CEP44: variants seen among roughly 807,000 people sequenced by gnomAD.
The protein encoded by CEP44 is centrosomal protein of 44 kDa.
A neutral mutation model predicts 46.7 loss-of-function variants in CEP44; 45 were observed. The observed-to-expected ratio is 0.96, with a 90% CI of 0.76 to 1.24. The LOEUF (loss-of-function observed/expected upper bound fraction) is 1.24. Among genes scored for constraint, CEP44 ranks in the 50% most tolerant of loss-of-function variants. The pLI, the probability that CEP44 is intolerant of heterozygous loss-of-function variation, is 0.00. For missense variants in CEP44, 475 were observed against 459.7 expected, an observed-to-expected ratio of 1.03 and a Z score of -0.30; for synonymous variants, 142 against 146.0, an observed-to-expected ratio of 0.97 and a Z score of 0.20.
chr4:174,304,500 G>A (rs994423171), intron 6 of CEP44, 131 bp downstream of exon 6: 2 of 1,218,366 alleles, frequency 1.6e-6, no homozygotes, highest in Non-Finnish European at 2.2e-6. Context: ...ATTTTTAACA[G>A]TGCATGCCAT....
At chr4:174,294,786 C>G (rs1464220592) in intron 1 of CEP44, among the ~76,000 whole-genome samples, 1 of 140,876 alleles carries the variant, frequency 7.1e-6, no homozygotes, top group African/African-American at 2.6e-5. Flanking sequence ...CCGGACGGTG[C>G]GGCTGGCCGG....
rs1380196830 is a variant in CEP44 at position 174,311,484 on chromosome 4, G to C, written c.961+626G>C. On this transcript the variant is annotated intron_variant, in intron 9 of 11. Transcript: ENST00000503780. This position sits in a 1 kb window ranked among gnomAD's most constrained non-coding sequence, Gnocchi z 4.4. ...TATCTATGATTAAATCATAGCTATAGAAGAGATGTTTTGTCCAATTGAGAA... is the reference window on the plus strand; with the variant it reads ...TATCTATGATTAAATCATAGCTATACAAGAGATGTTTTGTCCAATTGAGAA... 4.6e-5 allele frequency among the ~76,000 whole-genome samples: 7 copies of C among 152,066 alleles called. No individual in the cohort carries two copies. Among genetic ancestry groups the C allele is most frequent in the Non-Finnish European group, 8.8e-5 (6 of 67,956 alleles).
In CEP44 at chr4:174,302,310, T is replaced by C. The variant is rs550819131; in HGVS notation, c.237+124T>C. On this transcript the variant is annotated intron_variant, in intron 4 of 11. Coordinates refer to ENST00000503780, the MANE Select transcript of CEP44 (RefSeq NM_001040157.3). ...TTGACAGGATATTTTCATTTGTATTTATCTCATTTAAATGTAGTCTCTATT... is the reference window on the plus strand; with the variant it reads ...TTGACAGGATATTTTCATTTGTATTCATCTCATTTAAATGTAGTCTCTATT... The C allele has an allele frequency of 4.3e-5, 27 of 635,232 alleles. No homozygotes were observed. The South Asian group carries it at 5.7e-4, about 13-fold the overall frequency. 39.3% of individuals were successfully genotyped at this position (635,232 alleles called of 1,614,324 possible).
rs781465845 is a variant in CEP44 at position 174,331,672 on chromosome 4, A to G, written c.*77A>G. 2.7e-6 allele frequency: 4 copies of G among 1,483,428 alleles called. No homozygotes were observed. Among genetic ancestry groups the G allele is most frequent in the Non-Finnish European group, 3.6e-6 (4 of 1,109,882 alleles). The allele number at this position is 1,483,428 out of a possible 1,614,324, so 91.9% of individuals were successfully genotyped here. ...TCAGTGAAGCTCATCCACGAAGTCC[A>G]GAATTCTGCCTGGAAACCAGCTTCC... On this transcript the variant is annotated 3_prime_UTR_variant, in exon 9 of 9. Transcript: ENST00000426172. The surrounding 1 kb of genome is among the most constrained non-coding windows in gnomAD (Gnocchi z 4.5).
rs896186349 is a variant in CEP44, at chr4:174,310,337, A to G, written c.885+281A>G. 6.6e-6 allele frequency among the ~76,000 whole-genome samples: 1 copy of G among 152,010 alleles called. No individual in the cohort carries two copies. Among genetic ancestry groups the G allele is most frequent in the Non-Finnish European group, 1.5e-5 (1 of 67,900 alleles). On this transcript the variant is annotated intron_variant, in intron 8 of 11. Transcript: ENST00000503780. The surrounding 1 kb of genome is among the most constrained non-coding windows in gnomAD (Gnocchi z 4.2). ...AAAATGAGGTAAGAATATGATAGAT[A>G]TGAAAAGCTTAAAATTATTTTATAT...
Position 174,317,350 on chromosome 4 carries a change from A to C in CEP44, c.1140A>C (p.Ala380=), listed in dbSNP as rs773920030. ...ERMKKMFEET[A]ELLKCPNHYL is the part of the protein sequence containing the mutation. Reference sequence around the variant, plus strand: ...TATATTTCAGGTTTGAAGAAACTGCAGAGTTACTGAAATGTCCAAATCACT... The same window carrying C: ...TATATTTCAGGTTTGAAGAAACTGCCGAGTTACTGAAATGTCCAAATCACT... The change falls in exon 12 of 12, where the codon GCA becomes GCC. Residue 380 remains alanine (A), a synonymous_variant. Coordinates refer to ENST00000503780, the MANE Select transcript of CEP44 (RefSeq NM_001040157.3). 1.4e-6 allele frequency: 2 copies of C among 1,396,054 alleles called. No homozygotes were observed. Among genetic ancestry groups the C allele is most frequent in the Non-Finnish European group, 1.9e-6 (2 of 1,045,546 alleles). 86.5% of individuals were successfully genotyped at this position (1,396,054 alleles called of 1,614,324 possible).
chr4:174,308,262 G>T (rs1022922224), intron 6 of CEP44, among the ~76,000 whole-genome samples: 3 of 152,198 alleles, frequency 2.0e-5, no homozygotes, highest in African/African-American at 7.2e-5. Flanking sequence ...TAAAGAAGAT[G>T]TGGTACATAC....
At chr4:174,302,276 C>CAT (rs1739818205) in intron 4 of CEP44, 90 bp downstream of exon 4, 2 of 757,930 alleles carry the variant, frequency 2.6e-6, no homozygotes, top group African/African-American at 3.6e-5. Flanking sequence ...ATATATGCAG[C>CAT]ATATACAATT....
chr4:174,292,440 G>A lies in CEP44; in HGVS notation c.-147-5526G>A, dbSNP rs1266961889. On this transcript the variant is annotated intron_variant, in intron 1 of 11. Coordinates refer to ENST00000503780, the MANE Select transcript of CEP44 (RefSeq NM_001040157.3). ...GTAAGTTTTCAGCCATAATCTAAATGTGCTTTCTGCCCCCTTTCTCTCTGT... is the reference window on the plus strand; with the variant it reads ...GTAAGTTTTCAGCCATAATCTAAATATGCTTTCTGCCCCCTTTCTCTCTGT... 2.0e-5 allele frequency among the ~76,000 whole-genome samples: 3 copies of A among 152,100 alleles called. No individual in the cohort carries two copies. In the East Asian group the frequency reaches 5.8e-4, roughly 29 times the overall value.
rs942751716 is a variant in CEP44, at chr4:174,330,341, T to C, written c.1087-1141T>C. On this transcript the variant is annotated intron_variant, in intron 8 of 8. Transcript: ENST00000426172. ...CCGTCTCTACTAAAAATACAAAAAT[T>C]AGCCAGGCATGGTGGCGCGTGCCTG... Among the ~76,000 whole-genome samples the C allele has an allele frequency of 2.0e-5, 3 of 152,154 alleles. No individual in the cohort carries two copies. The South Asian group carries it at 6.2e-4, about 32-fold the overall frequency.
At chr4:174,305,967 A>C (rs1423961024) in intron 6 of CEP44, among the ~76,000 whole-genome samples, 2 of 152,206 alleles carry the variant, frequency 1.3e-5, no homozygotes, top group African/African-American at 4.8e-5. Flanking sequence ...ATTAAAATTT[A>C]TACCAGATCT....
At chr4:174,284,393 G>A (rs969553244) in intron 1 of CEP44, 2 of 219,034 alleles carry the variant, frequency 9.1e-6, no homozygotes, top group African/African-American at 4.5e-5. Flanking sequence ...AAAGTTATAG[G>A]CTTACTGATT....
At chr4:174,293,054 G>C (rs1160695498) in intron 1 of CEP44, among the ~76,000 whole-genome samples, 1 of 152,210 alleles carries the variant, frequency 6.6e-6, no homozygotes, top group Non-Finnish European at 1.5e-5. Flanking sequence ...GTCCCTTGGT[G>C]AGACTGACTT....
intron 1 of CEP44, among the ~76,000 whole-genome samples, chr4:174,295,057 G>T: frequency 6.9e-6 from 1 of 144,480 alleles, no homozygotes; most frequent in East Asian, 2.1e-4. Context: ...CTCCCGGACG[G>T]GGCGGCTGGC....
chr4:174,316,046 T>C, intron 9 of CEP44, 120 bp from the exon 10 acceptor site: 4 of 1,216,762 alleles, frequency 3.3e-6, no homozygotes, highest in Non-Finnish European at 4.6e-6. Flanking sequence ...CTCTTTGATC[T>C]ATGCGGATAG....
intron 7 of CEP44, 82 bp downstream of exon 7, chr4:174,308,941 A>G: frequency 1.7e-6 from 2 of 1,195,084 alleles, no homozygotes; most frequent in East Asian, 2.4e-5. Flanking sequence ...AAACTTTGGA[A>G]TATTTCTAGC....
chr4:174,304,394 A>T, intron 6 of CEP44, 25 bp downstream of exon 6: 1 of 1,600,310 alleles, frequency 6.2e-7, no homozygotes. Flanking sequence ...AGAAAATATC[A>T]TATTGTTTAA....
chr4:174,306,881 A>G (rs1395638114), intron 6 of CEP44, among the ~76,000 whole-genome samples: 1 of 152,188 alleles, frequency 6.6e-6, no homozygotes, highest in Non-Finnish European at 1.5e-5. Flanking sequence ...AAAAGAATAA[A>G]ATACCTAGGA....
rs1452064610 is a variant in CEP44 at position 174,297,423 on chromosome 4, C to G, written c.-147-543C>G. ...TATATTCAGTTTTAAACATGAGTCT[C>G]TAAGAAAAAAAGGTGCCTGGTTAGG... On this transcript the variant is annotated intron_variant, in intron 1 of 11. Transcript: ENST00000503780. The surrounding 1 kb of genome is among the most constrained non-coding windows in gnomAD (Gnocchi z 4.3). Among the ~76,000 whole-genome samples, 4 of 152,052 alleles carry G rather than the reference C, an allele frequency of 2.6e-5. No individual in the cohort carries two copies.
Sources: gnomAD v4.1 joint callset for allele counts (sites outside exome capture counted in the v4.1 genomes callset) on GRCh38, gnomAD v4.1.1 for gene constraint, Gnocchi (gnomAD v3.1) non-coding constraint, MANE v1.5 for transcripts, NCBI Gene and HGNC (gene_info 2026-07-23, HGNC 2026-07-21) for gene names.